FBXO38: variants seen among roughly 807,000 people sequenced by gnomAD.
The protein encoded by FBXO38 is F-box only protein 38.
FBXO38 carries 53 observed loss-of-function variants against 131.9 expected under a neutral mutation model. The ratio of observed to expected loss-of-function variants is 0.40; its 90% confidence interval spans 0.32 to 0.51. FBXO38 has a LOEUF of 0.51. FBXO38 is among the 20% of genes least tolerant of loss of function. The pLI is 0.53. For missense variants in FBXO38, 1,076 were observed against 1,475.6 expected (o/e 0.73, Z 4.44); for synonymous variants, 452 against 505.6 (o/e 0.89, Z 1.42).
At chr5:148,391,391 A>G (rs989349496) in intron 1 of FBXO38, among the ~76,000 whole-genome samples, 1 of 152,246 alleles carries the variant, frequency 6.6e-6, no homozygotes, top group African/African-American at 2.4e-5. Context: ...CTGTGGAAGC[A>G]TATGTTAAGT....
intron 12 of FBXO38, among the ~76,000 whole-genome samples, chr5:148,419,606 C>T (rs972159599): frequency 6.6e-6 from 1 of 152,118 alleles, no homozygotes; most frequent in African/African-American, 2.4e-5. Flanking sequence ...ACGTCTGGGC[C>T]AGGTGCAATG....
In FBXO38 at chr5:148,427,359, A is replaced by G; in HGVS notation, c.2065A>G (p.Arg689Gly). The G allele has an allele frequency of 6.2e-7, 1 of 1,614,220 alleles. No individual in the cohort carries two copies. The highest frequency in any genetic ancestry group is 1.1e-5 in the South Asian group (1 of 91,084). Residue 689 changes from arginine (R) to glycine (G), a missense_variant, in exon 15 of 22, where the codon AGG becomes GGG. By Grantham distance (125) the Arg-to-Gly change is moderately radical (BLOSUM62 -2). Coordinates refer to ENST00000340253, the MANE Select transcript of FBXO38 (RefSeq NM_205836.3). ...EQIKADMKAARDIPEKKKNKD... is the reference protein window; with the variant it reads ...EQIKADMKAAGDIPEKKKNKD... ...GATCAAAGCCGATATGAAAGCAGCT[A>G]GGGATATTCCTGAAAAGAAAAAAAA...
At chr5:148,402,622 G>A (rs150297576) in intron 5 of FBXO38, 109 bp downstream of exon 5, 5 of 976,110 alleles carry the variant, frequency 5.1e-6, no homozygotes, top group Non-Finnish European at 7.4e-6. Context: ...GTTGATTGAT[G>A]ATTGCAAAAT....
intron 17 of FBXO38, 86 bp downstream of exon 17, chr5:148,433,823 GTCT>G: frequency 1.5e-6 from 1 of 676,350 alleles, no homozygotes; most frequent in Non-Finnish European, 2.5e-6. Flanking sequence ...TAGCATTACT[GTCT>G]TATTTTCTTA....
chr5:148,408,705 T>G (rs1030208954), intron 7 of FBXO38, among the ~76,000 whole-genome samples: 2 of 152,204 alleles, frequency 1.3e-5, no homozygotes, highest in East Asian at 1.9e-4. Flanking sequence ...TTTATGTTCT[T>G]TTTTGTAGGT....
At chr5:148,385,921 G>T (rs1757890732) in intron 1 of FBXO38, among the ~76,000 whole-genome samples, 1 of 152,136 alleles carries the variant, frequency 6.6e-6, no homozygotes. Flanking sequence ...TTTCACGAGG[G>T]TAAAGAAAAG....
chr5:148,433,234 T>G (rs1405153845), intron 15 of FBXO38, 190 bp from the exon 16 acceptor site: 1 of 533,312 alleles, frequency 1.9e-6, no homozygotes. Flanking sequence ...GTAGATATGT[T>G]TGAAGTAATG....
At chr5:148,423,908 G>A in intron 12 of FBXO38, 90 bp from the exon 13 acceptor site, 1 of 1,220,784 alleles carries the variant, frequency 8.2e-7, no homozygotes, top group Non-Finnish European at 1.1e-6. Context: ...CAGCGGGACT[G>A]TTCAGTTCTT....
chr5:148,422,128 C>G (rs1032586235), intron 12 of FBXO38, among the ~76,000 whole-genome samples: 1 of 151,790 alleles, frequency 6.6e-6, no homozygotes, highest in Non-Finnish European at 1.5e-5. Flanking sequence ...GTTCTTATAG[C>G]AACCAGGGCA....
At position 148,406,401 on chromosome 5, in the gene FBXO38, A is replaced by G. The variant is rs1216129378; in HGVS notation, c.868+7A>G. ...GAAGACAGTTGGAGATCAGGTATTC[A>G]TTTTCTTTAATTACTAAATATTTTT... On this transcript the variant is annotated splice_region_variant and intron_variant, in intron 7 of 21. Coordinates refer to ENST00000340253, the MANE Select transcript of FBXO38 (RefSeq NM_205836.3). 1.3e-6 allele frequency: 2 copies of G among 1,537,266 alleles called. No homozygotes were observed. Among genetic ancestry groups the G allele is most frequent in the Non-Finnish European group, 1.7e-6 (2 of 1,145,230 alleles).
At chr5:148,405,070 C>G (rs555083823) in intron 6 of FBXO38, among the ~76,000 whole-genome samples, 1 of 149,120 alleles carries the variant, frequency 6.7e-6, no homozygotes, top group East Asian at 2.0e-4. Flanking sequence ...GTACTTTTTA[C>G]TTTTCCTAGG....
intron 1 of FBXO38, among the ~76,000 whole-genome samples, chr5:148,384,519 A>T (rs1226421189): frequency 6.6e-6 from 1 of 152,138 alleles, no homozygotes; most frequent in Non-Finnish European, 1.5e-5. Flanking sequence ...AGGAGCCCTG[A>T]ATTCTAGTTT....
chr5:148,427,996 A>G (rs547072865), intron 15 of FBXO38, 49 bp downstream of exon 15: 4 of 1,427,864 alleles, frequency 2.8e-6, no homozygotes, highest in East Asian at 2.4e-5. Flanking sequence ...GGCTGCAGAA[A>G]GGCATGAACT....
chr5:148,387,612 A>G (rs1757979480), intron 1 of FBXO38, among the ~76,000 whole-genome samples: 2 of 152,084 alleles, frequency 1.3e-5, no homozygotes, highest in African/African-American at 4.8e-5. Context: ...TCCTTTCCAG[A>G]AGGTTTTGAA....
chr5:148,420,797 C>T (rs1753372329), intron 12 of FBXO38, among the ~76,000 whole-genome samples: 1 of 151,896 alleles, frequency 6.6e-6, no homozygotes, highest in Admixed American at 6.6e-5. Flanking sequence ...TCCAGTTATT[C>T]GGCTGTGTGA....
chr5:148,431,930 A>G (rs1754064714), intron 15 of FBXO38, among the ~76,000 whole-genome samples: 2 of 152,326 alleles, frequency 1.3e-5, no homozygotes, highest in East Asian at 1.9e-4. Flanking sequence ...TTTACAGGGT[A>G]GAATTTCACA....
At chr5:148,416,207 T>C in intron 11 of FBXO38, 137 bp downstream of exon 11, 2 of 746,194 alleles carry the variant, frequency 2.7e-6, no homozygotes, top group South Asian at 4.6e-5. Flanking sequence ...CCAGCCTCAG[T>C]GAAGGCATAA....
intron 6 of FBXO38, among the ~76,000 whole-genome samples, chr5:148,405,208 C>A (rs1034857663): frequency 3.3e-5 from 5 of 152,164 alleles, no homozygotes; most frequent in Non-Finnish European, 5.9e-5. Flanking sequence ...AAACAGAAAT[C>A]TTTAGTGTCC....
chr5:148,424,590 C>A (rs1753616066), intron 13 of FBXO38, among the ~76,000 whole-genome samples: 2 of 152,066 alleles, frequency 1.3e-5, no homozygotes, highest in Admixed American at 1.3e-4. Context: ...ACTCGCATAG[C>A]CTTTCATTTT....
Sources: gnomAD v4.1 joint callset for allele counts (sites outside exome capture counted in the v4.1 genomes callset) on GRCh38, gnomAD v4.1.1 for gene constraint, MANE v1.5 for transcripts, NCBI Gene and HGNC (gene_info 2026-07-23, HGNC 2026-07-21) for gene names.